The following BMPER variants were observed in gnomAD, a reference collection of about 807,000 sequenced individuals.
BMPER encodes the protein BMP-binding endothelial regulator protein.
BMPER carries 45 observed loss-of-function variants against 87.3 expected under a neutral mutation model. The ratio of observed to expected loss-of-function variants is 0.52; its 90% confidence interval spans 0.41 to 0.66. The LOEUF is 0.66. Ranked by LOEUF, BMPER falls within the 30% of genes least tolerant of loss-of-function variation. BMPER has a pLI of 0.00. For missense variants in BMPER, 784 were observed against 867.5 expected (o/e 0.90, Z 1.21); for synonymous variants, 326 against 316.2 (o/e 1.03, Z -0.33).
intron 6 of BMPER, among the ~76,000 whole-genome samples, chr7:34,040,895 T>TG (rs138990559): frequency 0.031 from 4,779 of 152,158 alleles, 277 homozygotes; most frequent in African/African-American, 0.11. Flanking sequence ...AGGCAAAAGG[T>TG]GATGCATAAT....
chr7:34,075,877 G>T (rs190597222), intron 11 of BMPER, among the ~76,000 whole-genome samples: 8 of 152,270 alleles, frequency 5.3e-5, no homozygotes, highest in African/African-American at 1.9e-4. Context: ...AGTTCACTGC[G>T]CCTGCAGGAT....
intron 13 of BMPER, among the ~76,000 whole-genome samples, chr7:34,096,345 A>G (rs1789530278): frequency 6.6e-6 from 1 of 152,204 alleles, no homozygotes; most frequent in Non-Finnish European, 1.5e-5. Context: ...GGGGCCTCTC[A>G]GAGAAGGCAC....
At chr7:34,111,777 G>A (rs10229510) in intron 13 of BMPER, among the ~76,000 whole-genome samples, 89,036 of 151,798 alleles carry the variant, frequency 0.59, 26,589 homozygotes, top group East Asian at 0.83. Flanking sequence ...GCAATGGCAC[G>A]ATCTCGGCTC....
chr7:34,034,337 C>T (rs1585759366), intron 6 of BMPER, among the ~76,000 whole-genome samples: 1 of 152,266 alleles, frequency 6.6e-6, no homozygotes, highest in Middle Eastern at 3.4e-3. Flanking sequence ...TGACATAGAT[C>T]ATCTTTCAGT....
intron 6 of BMPER, among the ~76,000 whole-genome samples, chr7:34,030,191 G>A (rs956300586): frequency 3.9e-5 from 6 of 151,948 alleles, no homozygotes; most frequent in South Asian, 2.1e-4. Context: ...GCATACGATC[G>A]ATTACTCAAT....
intron 2 of BMPER, among the ~76,000 whole-genome samples, chr7:33,923,268 T>A (rs1784279393): frequency 6.6e-6 from 1 of 152,138 alleles, no homozygotes; most frequent in South Asian, 2.1e-4. Context: ...ATTGAGAGAT[T>A]TTCCCTTTCC....
chr7:34,116,312 G>A (rs1477647008), intron 13 of BMPER, among the ~76,000 whole-genome samples: 1 of 152,184 alleles, frequency 6.6e-6, no homozygotes, highest in Non-Finnish European at 1.5e-5. Flanking sequence ...CTTCCTTCTA[G>A]TATAGGTAGG....
chr7:34,008,531 C>T (rs1047653461), intron 6 of BMPER, among the ~76,000 whole-genome samples: 1 of 151,532 alleles, frequency 6.6e-6, no homozygotes, highest in Non-Finnish European at 1.5e-5. Context: ...TATGATTTTC[C>T]AGAATTTTCC....
intron 6 of BMPER, among the ~76,000 whole-genome samples, chr7:34,011,625 A>AAT (rs1786883706): frequency 6.6e-6 from 1 of 151,344 alleles, no homozygotes; most frequent in African/African-American, 2.4e-5. Context: ...GAAAGAAAAA[A>AAT]GAAACAAAGA....
intron 6 of BMPER, among the ~76,000 whole-genome samples, chr7:34,009,802 C>A (rs1014847114): frequency 2.0e-5 from 3 of 151,900 alleles, no homozygotes; most frequent in Admixed American, 2.0e-4. Context: ...CTCTAGACTT[C>A]TCAAAACATT....
intron 13 of BMPER, among the ~76,000 whole-genome samples, chr7:34,104,116 G>T (rs957832920): frequency 6.6e-6 from 1 of 152,192 alleles, no homozygotes; most frequent in African/African-American, 2.4e-5. Flanking sequence ...TGCTTGGACT[G>T]CTGTTCCTTG....
chr7:33,947,774 G>A (rs1048306082), intron 3 of BMPER, among the ~76,000 whole-genome samples: 1 of 152,074 alleles, frequency 6.6e-6, no homozygotes, highest in Admixed American at 6.6e-5. Context: ...ATTAATTATA[G>A]GTTGCCTTTT....
chr7:33,965,293 A>G (rs1234002137), intron 3 of BMPER, among the ~76,000 whole-genome samples: 4 of 152,352 alleles, frequency 2.6e-5, no homozygotes, highest in South Asian at 2.1e-4. Flanking sequence ...TCAATCATTC[A>G]TAATTCTTTG....
At chr7:34,035,070 T>C (rs763293904) in intron 6 of BMPER, among the ~76,000 whole-genome samples, 2 of 152,160 alleles carry the variant, frequency 1.3e-5, no homozygotes, top group Non-Finnish European at 1.5e-5. Flanking sequence ...CTTGCCAAGA[T>C]TGGGTTGCAG....
intron 13 of BMPER, among the ~76,000 whole-genome samples, chr7:34,092,978 G>A (rs1789430792): frequency 6.6e-6 from 1 of 152,118 alleles, no homozygotes; most frequent in Non-Finnish European, 1.5e-5. Flanking sequence ...TGTATAGTTA[G>A]CCAGCTTCAA....
intron 11 of BMPER, among the ~76,000 whole-genome samples, chr7:34,064,662 C>T (rs149513421): frequency 4.3e-4 from 65 of 152,324 alleles, no homozygotes; most frequent in East Asian, 1.2e-3. Context: ...TGCACCTGCG[C>T]GGAGCAGGTC....
In BMPER at chr7:34,143,361, G is replaced by T; in HGVS notation, c.1876+1G>T. ...TGGGAGCCTCAGCAGAATTGTGCAG[G>T]TAAGAAAGTCCTGCTGGATCTACCC... is the stretch of plus-strand genomic sequence containing the variant. On this transcript the variant is annotated splice_donor_variant, in intron 14 of 14. Coordinates refer to ENST00000649409, the MANE Select transcript of BMPER (RefSeq NM_001365308.1). LOFTEE classifies it high-confidence loss of function. 1 of 1,613,866 alleles carries T rather than the reference G, an allele frequency of 6.2e-7. No homozygotes were observed. The highest frequency in any genetic ancestry group is 8.5e-7 in the Non-Finnish European group (1 of 1,179,862).
intron 2 of BMPER, among the ~76,000 whole-genome samples, chr7:33,934,532 A>G (rs2128608366): frequency 6.6e-6 from 1 of 152,262 alleles, no homozygotes; most frequent in Middle Eastern, 3.4e-3. Context: ...AAAAAAAAAA[A>G]AAAATCCAGA....
chr7:33,961,051 G>T (rs1785258182), intron 3 of BMPER, among the ~76,000 whole-genome samples: 1 of 152,140 alleles, frequency 6.6e-6, no homozygotes, highest in Non-Finnish European at 1.5e-5. Flanking sequence ...GTTTCCTTGT[G>T]GGGTAATGGA....
Sources: gnomAD v4.1 joint callset for allele counts (sites outside exome capture counted in the v4.1 genomes callset) on GRCh38, gnomAD v4.1.1 for gene constraint, MANE v1.5 for transcripts, NCBI Gene and HGNC (gene_info 2026-07-23, HGNC 2026-07-21) for gene names.